ASB4: variants seen among roughly 807,000 people sequenced by gnomAD.
ASB4 encodes the protein ankyrin repeat and SOCS box protein 4.
A neutral mutation model predicts 38.6 loss-of-function variants in ASB4; 35 were observed. That is an observed-to-expected ratio of 0.91 (90% confidence interval 0.69 to 1.20). ASB4 has a LOEUF of 1.20. Ranked by LOEUF, ASB4 falls within the 50% of genes most tolerant of loss-of-function variation. ASB4 has a pLI of 0.00. For synonymous variants in ASB4, 195 were observed against 201.3 expected (o/e 0.97, Z 0.26); for missense variants, 557 against 527.2 (o/e 1.06, Z -0.55).
chr7:95,547,621 G>A, the ASB4 span, among the ~76,000 whole-genome samples: 38 of 152,330 alleles, frequency 2.5e-4, no homozygotes, highest in East Asian at 7.1e-3. Context: ...AACTTGGCTA[G>A]GCTATGTGTA....
intron 1 of ASB4, among the ~76,000 whole-genome samples, chr7:95,490,168 A>T (rs1001315782): frequency 6.6e-6 from 1 of 152,152 alleles, no homozygotes; most frequent in Admixed American, 6.5e-5. Context: ...CACTTAAAAA[A>T]CTTTCTGGCA....
intron 1 of ASB4, among the ~76,000 whole-genome samples, chr7:95,479,648 C>T (rs1403648727): frequency 6.6e-6 from 1 of 152,218 alleles, no homozygotes; most frequent in East Asian, 1.9e-4. Flanking sequence ...CACTTTATTG[C>T]TTGTCTACAG....
At chr7:95,505,072 C>T (rs1449017681) in intron 2 of ASB4, among the ~76,000 whole-genome samples, 6 of 152,178 alleles carry the variant, frequency 3.9e-5, no homozygotes, top group Non-Finnish European at 7.3e-5. Flanking sequence ...TTTCTGCTCT[C>T]GTCACAGTCT....
intron 3 of ASB4, among the ~76,000 whole-genome samples, chr7:95,534,072 C>CGGTGGCCA (rs75699905): frequency 0.096 from 14,656 of 152,150 alleles, 746 homozygotes; most frequent in South Asian, 0.11. Flanking sequence ...TGGCTGGGCG[C>CGGTGGCCA]GGTGGCTTAC....
intron 2 of ASB4, among the ~76,000 whole-genome samples, chr7:95,527,353 G>A (rs943706727): frequency 3.9e-5 from 6 of 152,192 alleles, no homozygotes; most frequent in Non-Finnish European, 8.8e-5. Flanking sequence ...AGGTTTATCT[G>A]CTATGAAAGA....
rs1790946335 is a variant in ASB4, at chr7:95,539,862, C to T, written c.*2103C>T. On this transcript the variant is annotated 3_prime_UTR_variant, in exon 5 of 5. Transcript: ENST00000325885. ...AATGTATCCATGTAACCAAAAACCACCTGTACCCCCAAAACTATTGAAATC... is the reference window on the plus strand; with the variant it reads ...AATGTATCCATGTAACCAAAAACCATCTGTACCCCCAAAACTATTGAAATC... 1 of 152,180 alleles carries T rather than the reference C, an allele frequency of 6.6e-6. No individual in the cohort carries two copies. The highest frequency in any genetic ancestry group is 6.5e-5 in the Admixed American group (1 of 15,280). 9.4% of individuals were successfully genotyped at this position (152,180 alleles called of 1,614,324 possible). A position where few individuals can be genotyped will look rare whatever the true frequency, so the allele number is the denominator to read the frequency against.
intron 2 of ASB4, 122 bp from the exon 3 acceptor site, chr7:95,527,691 G>A: frequency 1.0e-6 from 1 of 985,316 alleles, no homozygotes. Flanking sequence ...GTTGAGGGTT[G>A]GGGATAATAT....
At chr7:95,544,455 A>G (rs1791008288), downstream of ASB4, 1 of 152,216 alleles carries the variant, frequency 6.6e-6, no homozygotes, top group African/African-American at 2.4e-5. Context: ...GGTTAATTCT[A>G]TGACAAAAAT....
At chr7:95,489,920 T>G (rs932138151) in intron 1 of ASB4, among the ~76,000 whole-genome samples, 3 of 152,230 alleles carry the variant, frequency 2.0e-5, no homozygotes, top group African/African-American at 7.2e-5. Context: ...TCCATAAAAC[T>G]GTTTCCAAAG....
chr7:95,479,778 G>A (rs2116565827), intron 1 of ASB4, among the ~76,000 whole-genome samples: 1 of 152,258 alleles, frequency 6.6e-6, no homozygotes, highest in South Asian at 2.1e-4. Flanking sequence ...TTGGACTTGG[G>A]TTCAAGAAGT....
At chr7:95,517,650 A>G (rs914348568) in intron 2 of ASB4, among the ~76,000 whole-genome samples, 2 of 152,162 alleles carry the variant, frequency 1.3e-5, no homozygotes, top group Non-Finnish European at 2.9e-5. Flanking sequence ...CATTAGATAT[A>G]GTAGAGAGGT....
At chr7:95,501,054 A>G (rs1790329827) in intron 2 of ASB4, among the ~76,000 whole-genome samples, 1 of 152,188 alleles carries the variant, frequency 6.6e-6, no homozygotes, top group Non-Finnish European at 1.5e-5. Flanking sequence ...ATTAGTTTAA[A>G]CATGCAAGCT....
chr7:95,515,747 G>A (rs974025987), intron 2 of ASB4, among the ~76,000 whole-genome samples: 5 of 152,158 alleles, frequency 3.3e-5, no homozygotes, highest in African/African-American at 1.2e-4. Context: ...ACTGGTTGTA[G>A]AATAAACCCT....
intron 3 of ASB4, 76 bp from the exon 4 acceptor site, chr7:95,536,361 C>A (rs1443806336): frequency 1.1e-6 from 1 of 932,522 alleles, no homozygotes; most frequent in Non-Finnish European, 1.7e-6. Context: ...TCTGTGAATT[C>A]TTGATGTCTC....
In ASB4 at chr7:95,503,157, A is replaced by G. The variant is rs868059306; in HGVS notation, c.487+7100A>G. Among the ~76,000 whole-genome samples, 18 of 152,324 alleles carry G rather than the reference A, an allele frequency of 1.2e-4. 2 individuals carry two copies. In the South Asian group the frequency reaches 1.4e-3, roughly 12 times the overall value. On this transcript the variant is annotated intron_variant, in intron 2 of 4. Transcript: ENST00000325885. ...TTAACTGTAGCTAAGCAATTTCAAA[A>G]AGGCAAATCTGTTATTTTAGATCCT...
At chr7:95,517,777 G>A (rs1018339992) in intron 2 of ASB4, among the ~76,000 whole-genome samples, 5 of 152,086 alleles carry the variant, frequency 3.3e-5, no homozygotes, top group African/African-American at 9.7e-5. Flanking sequence ...ACTGAGGAGT[G>A]TATCGGTGGT....
chr7:95,478,992 G>A (rs1790001065), intron 1 of ASB4, among the ~76,000 whole-genome samples: 1 of 152,152 alleles, frequency 6.6e-6, no homozygotes, highest in South Asian at 2.1e-4. Flanking sequence ...TAACATGGCT[G>A]CCACAGGGAA....
intron 2 of ASB4, among the ~76,000 whole-genome samples, chr7:95,522,297 C>T (rs990319747): frequency 6.6e-6 from 1 of 151,990 alleles, no homozygotes; most frequent in Non-Finnish European, 1.5e-5. Context: ...TTTTGGAATA[C>T]CATTCATGAT....
chr7:95,520,783 G>A (rs1455731711), intron 2 of ASB4, among the ~76,000 whole-genome samples: 1 of 151,988 alleles, frequency 6.6e-6, no homozygotes, highest in Non-Finnish European at 1.5e-5. Context: ...CTGTAGGTAG[G>A]TCTGTTTCTA....
Sources: gnomAD v4.1 joint callset for allele counts (sites outside exome capture counted in the v4.1 genomes callset) on GRCh38, gnomAD v4.1.1 for gene constraint, MANE v1.5 for transcripts, NCBI Gene and HGNC (gene_info 2026-07-23, HGNC 2026-07-21) for gene names.